Variants in NLGN1 observed in about 807,000 individuals in gnomAD.
The protein encoded by NLGN1 is neuroligin 1.
In NLGN1, 12 loss-of-function variants were observed where a neutral mutation model predicts 65.5. The ratio of observed to expected loss-of-function variants is 0.18; its 90% confidence interval spans 0.12 to 0.30. The LOEUF is 0.30. Among genes scored for constraint, NLGN1 ranks in the 10% least tolerant of loss-of-function variants. NLGN1 has a pLI of 1.00. For synonymous variants in NLGN1, 350 were observed against 359.5 expected, an observed-to-expected ratio of 0.97 and a Z score of 0.30; for missense variants, 750 against 1,007.1, an observed-to-expected ratio of 0.74 and a Z score of 3.46.
chr3:173,936,028 C>T (rs187902484), intron 4 of NLGN1, among the ~76,000 whole-genome samples: 91 of 151,866 alleles, frequency 6.0e-4, no homozygotes, highest in Middle Eastern at 6.8e-3. Flanking sequence ...TGAATTAGTT[C>T]CCAAAATTTT....
chr3:173,665,653 TG>T (rs1021728828), intron 3 of NLGN1, among the ~76,000 whole-genome samples: 4 of 152,160 alleles, frequency 2.6e-5, no homozygotes, highest in Admixed American at 1.3e-4. Context: ...AAAATTCTAT[TG>T]GGTATGTATT....
intron 4 of NLGN1, among the ~76,000 whole-genome samples, chr3:174,140,988 G>C (rs1350871691): frequency 6.6e-6 from 1 of 151,946 alleles, no homozygotes; most frequent in Non-Finnish European, 1.5e-5. Flanking sequence ...TTCTAGAATA[G>C]TTAAAAGCCA....
At chr3:174,171,785 C>T (rs1353354723) in intron 4 of NLGN1, among the ~76,000 whole-genome samples, 1 of 152,100 alleles carries the variant, frequency 6.6e-6, no homozygotes, top group East Asian at 1.9e-4. Flanking sequence ...ACGACCTTTT[C>T]CTCGTCACCA....
At chr3:174,167,123 G>A (rs1211659882) in intron 4 of NLGN1, among the ~76,000 whole-genome samples, 1 of 152,014 alleles carries the variant, frequency 6.6e-6, no homozygotes, top group Non-Finnish European at 1.5e-5. Flanking sequence ...GATGAGTCTT[G>A]TTATTTTATC....
At chr3:174,146,140 C>T (rs1029885227) in intron 4 of NLGN1, among the ~76,000 whole-genome samples, 1 of 143,858 alleles carries the variant, frequency 7.0e-6, no homozygotes, top group African/African-American at 2.8e-5. Context: ...TTCCTTCCTT[C>T]CTTCCTTCCT....
At chr3:173,478,849 A>T (rs1051693177) in intron 2 of NLGN1, among the ~76,000 whole-genome samples, 1 of 151,838 alleles carries the variant, frequency 6.6e-6, no homozygotes, top group Non-Finnish European at 1.5e-5. Flanking sequence ...TTGAGAATGC[A>T]CCACTGCACT....
chr3:173,741,581 C>T (rs1474164979), intron 3 of NLGN1, among the ~76,000 whole-genome samples: 3 of 152,082 alleles, frequency 2.0e-5, no homozygotes, highest in Admixed American at 2.0e-4. Flanking sequence ...CAACCTCCAC[C>T]TCCTAGGTTC....
Position 174,052,447 on chromosome 3 carries a change from C to A in NLGN1, c.647-222868C>A, listed in dbSNP as rs115908014. ...GAATGCATAATTCATAATAAATAAG[C>A]ATCAAAACACTTTATAAAGTCAACA... is the stretch of plus-strand genomic sequence containing the variant. On this transcript the variant is annotated intron_variant, in intron 4 of 6. Coordinates refer to ENST00000457714, the Ensembl canonical transcript of NLGN1. Among the ~76,000 whole-genome samples the A allele has an allele frequency of 7.9e-3, 1,204 of 151,904 alleles. 15 individuals carry two copies. The highest frequency in any genetic ancestry group is 0.028 in the African/African-American group (1,140 of 41,444).
At chr3:174,010,505 G>T (rs192608111) in intron 4 of NLGN1, among the ~76,000 whole-genome samples, 1 of 152,046 alleles carries the variant, frequency 6.6e-6, no homozygotes, top group African/African-American at 2.4e-5. Context: ...AATCCTTCAG[G>T]AATAATTTTG....
chr3:174,107,009 CACACACACAGAG>C (rs1474160471), intron 4 of NLGN1, among the ~76,000 whole-genome samples: 8 of 118,832 alleles, frequency 6.7e-5, no homozygotes, highest in South Asian at 2.8e-4. Flanking sequence ...CACACACACA[CACACACACAGAG>C]AGAGAGAGAG....
At chr3:173,451,982 G>A (rs192672727) in intron 2 of NLGN1, among the ~76,000 whole-genome samples, 188 of 152,312 alleles carry the variant, frequency 1.2e-3, no homozygotes, top group Non-Finnish European at 2.2e-3. Flanking sequence ...CTAGGAAAGG[G>A]AATTCCCTGA....
At chr3:173,706,055 G>C (rs2149910457) in intron 3 of NLGN1, among the ~76,000 whole-genome samples, 1 of 152,224 alleles carries the variant, frequency 6.6e-6, no homozygotes, top group African/African-American at 2.4e-5. Flanking sequence ...CTTTAAATAA[G>C]TAAAAGAGAA....
At chr3:173,465,324 G>C (rs2148903801) in intron 2 of NLGN1, among the ~76,000 whole-genome samples, 1 of 152,272 alleles carries the variant, frequency 6.6e-6, no homozygotes, top group South Asian at 2.1e-4. Context: ...GAACTTCTTG[G>C]AGGAAGGAGC....
intron 4 of NLGN1, among the ~76,000 whole-genome samples, chr3:174,184,996 GC>G (rs1274188643): frequency 3.3e-5 from 5 of 152,050 alleles, no homozygotes; most frequent in Non-Finnish European, 5.9e-5. Flanking sequence ...ATAATGCACA[GC>G]CGGGCCCTTG....
intron 4 of NLGN1, among the ~76,000 whole-genome samples, chr3:173,901,859 G>A (rs1014320284): frequency 1.3e-5 from 2 of 152,074 alleles, no homozygotes; most frequent in East Asian, 1.9e-4. Context: ...TGCTGTGTCA[G>A]AGTCAGAGCC....
intron 4 of NLGN1, among the ~76,000 whole-genome samples, chr3:173,925,281 T>C (rs1378008949): frequency 6.6e-6 from 1 of 152,076 alleles, no homozygotes; most frequent in Non-Finnish European, 1.5e-5. Context: ...TGAGGATCTT[T>C]TGGGGATGTT....
intron 4 of NLGN1, among the ~76,000 whole-genome samples, chr3:174,077,565 A>AT (rs1466768874): frequency 3.0e-4 from 44 of 145,130 alleles, no homozygotes; most frequent in African/African-American, 1.0e-3. Context: ...TTATTTATTT[A>AT]TTTATTTTTT....
intron 4 of NLGN1, among the ~76,000 whole-genome samples, chr3:174,124,450 A>T (rs781279274): frequency 4.0e-5 from 6 of 151,072 alleles, no homozygotes; most frequent in Non-Finnish European, 8.9e-5. Context: ...TATGGGAGAG[A>T]TTAAAATGAA....
intron 4 of NLGN1, among the ~76,000 whole-genome samples, chr3:174,044,005 A>G (rs567884183): frequency 1.2e-3 from 189 of 152,298 alleles, no homozygotes; most frequent in African/African-American, 4.1e-3. Flanking sequence ...TCACTTCTGC[A>G]CACCTGCAAA....
Sources: allele counts gnomAD v4.1 joint callset (sites outside exome capture counted in the v4.1 genomes callset), GRCh38; gene constraint gnomAD v4.1.1; transcripts MANE v1.5; gene names NCBI Gene and HGNC (gene_info 2026-07-23, HGNC 2026-07-21).